Variants in ZNF804A observed in about 807,000 individuals in gnomAD.
The protein encoded by ZNF804A is zinc finger protein 804A.
ZNF804A carries 2 observed loss-of-function variants against 16.5 expected under a neutral mutation model. The ratio of observed to expected loss-of-function variants is 0.12; its 90% CI spans 0.05 to 0.38. The LOEUF (loss-of-function observed/expected upper bound fraction) is 0.38, where lower values mean the gene tolerates loss of function less well. ZNF804A is among the 10% of genes least tolerant of loss of function. ZNF804A has a pLI of 0.99. For missense variants in ZNF804A, 1,473 were observed against 1,390.7 expected (o/e 1.06, Z -0.94); for synonymous variants, 534 against 489.6 (o/e 1.09, Z -1.20).
chr2:184,749,892 A>G (rs1421701400), intron 1 of ZNF804A, among the ~76,000 whole-genome samples: 1 of 151,310 alleles, frequency 6.6e-6, no homozygotes, highest in Non-Finnish European at 1.5e-5. Flanking sequence ...AACTATTACA[A>G]AAGATTTAAG....
chr2:184,762,472 A>T (rs1371159602), intron 1 of ZNF804A, among the ~76,000 whole-genome samples: 1 of 151,890 alleles, frequency 6.6e-6, no homozygotes, highest in Admixed American at 6.6e-5. Flanking sequence ...CTAAAATCTA[A>T]AGTTTATAAA....
chr2:184,878,489 G>T (rs1684749766), intron 2 of ZNF804A, among the ~76,000 whole-genome samples: 1 of 151,972 alleles, frequency 6.6e-6, no homozygotes, highest in Admixed American at 6.6e-5. Context: ...TAAGGATTTT[G>T]GTTGTCAAAA....
At chr2:184,831,584 A>G (rs955348525) in intron 1 of ZNF804A, among the ~76,000 whole-genome samples, 1 of 152,090 alleles carries the variant, frequency 6.6e-6, no homozygotes, top group Non-Finnish European at 1.5e-5. Flanking sequence ...GCCCCAGCCC[A>G]TGTTAATGAA....
In ZNF804A at chr2:184,793,002, T is replaced by C. The variant is rs1176894400; in HGVS notation, c.112-73367T>C. Among the ~76,000 whole-genome samples, 3 of 152,184 alleles carry C rather than the reference T, an allele frequency of 2.0e-5. No individual in the cohort carries two copies. In the East Asian group the frequency reaches 5.8e-4, roughly 29 times the overall value. Reference sequence around the variant, plus strand: ...ACATATGTGCTTGTTGTTTATCCCATGTATAAGTGAGAACATGTAGTATTT... The same window carrying C: ...ACATATGTGCTTGTTGTTTATCCCACGTATAAGTGAGAACATGTAGTATTT... On this transcript the variant is annotated intron_variant, in intron 1 of 3. Coordinates refer to ENST00000302277, the MANE Select transcript of ZNF804A (RefSeq NM_194250.2).
At chr2:184,769,102 T>C (rs868239613) in intron 1 of ZNF804A, among the ~76,000 whole-genome samples, 2 of 152,230 alleles carry the variant, frequency 1.3e-5, no homozygotes, top group Middle Eastern at 3.4e-3. Context: ...AGGAATATTG[T>C]CTTCGATCAC....
At chr2:184,900,377 C>T (rs1026619697) in intron 2 of ZNF804A, among the ~76,000 whole-genome samples, 3 of 152,038 alleles carry the variant, frequency 2.0e-5, no homozygotes, top group African/African-American at 4.8e-5. Context: ...TTTAAAACTA[C>T]GCGAAGAAGA....
chr2:184,680,044 A>C (rs530331485), intron 1 of ZNF804A, among the ~76,000 whole-genome samples: 1 of 152,220 alleles, frequency 6.6e-6, no homozygotes, highest in Non-Finnish European at 1.5e-5. Context: ...TCTGAAGCCC[A>C]TAAAAGCTCC....
chr2:184,859,913 AC>A (rs987330833), intron 1 of ZNF804A, among the ~76,000 whole-genome samples: 91 of 152,288 alleles, frequency 6.0e-4, no homozygotes, highest in African/African-American at 2.1e-3. Context: ...CTGCCTTGGC[AC>A]CGGGGTGGGC....
chr2:184,930,019 A>G (rs963305476), intron 2 of ZNF804A, among the ~76,000 whole-genome samples: 5 of 150,244 alleles, frequency 3.3e-5, no homozygotes, highest in Non-Finnish European at 7.4e-5. Context: ...GCATAAATAC[A>G]CAACACTTGC....
intron 1 of ZNF804A, among the ~76,000 whole-genome samples, chr2:184,742,787 T>C (rs1320317456): frequency 6.6e-6 from 1 of 151,718 alleles, no homozygotes; most frequent in African/African-American, 2.4e-5. Context: ...TGTGTGTATG[T>C]ATATAACTAT....
intron 2 of ZNF804A, among the ~76,000 whole-genome samples, chr2:184,897,325 C>A (rs1372297448): frequency 6.6e-6 from 1 of 151,878 alleles, no homozygotes; most frequent in African/African-American, 2.4e-5. Flanking sequence ...GTGTTTTTTT[C>A]CCCTTTCCAT....
intron 1 of ZNF804A, among the ~76,000 whole-genome samples, chr2:184,813,852 A>T (rs1460399936): frequency 1.3e-5 from 2 of 151,690 alleles, no homozygotes; most frequent in African/African-American, 2.4e-5. Context: ...CTTTCTTTAG[A>T]CCTCTGCTAT....
At chr2:184,826,902 T>C (rs1695176834) in intron 1 of ZNF804A, among the ~76,000 whole-genome samples, 3 of 152,210 alleles carry the variant, frequency 2.0e-5, no homozygotes, top group African/African-American at 7.2e-5. Context: ...TCAACATTTA[T>C]GGAGACCATT....
intron 1 of ZNF804A, among the ~76,000 whole-genome samples, chr2:184,698,106 A>G (rs1261114602): frequency 3.3e-5 from 5 of 152,074 alleles, no homozygotes; most frequent in Admixed American, 6.6e-5. Context: ...AGGTTTTTCC[A>G]GTAAAATTCA....
At chr2:184,736,137 G>A (rs1399994576) in intron 1 of ZNF804A, among the ~76,000 whole-genome samples, 1 of 152,064 alleles carries the variant, frequency 6.6e-6, no homozygotes, top group Admixed American at 6.6e-5. Flanking sequence ...CATGCCTCTT[G>A]ATGTCTAGGC....
intron 1 of ZNF804A, among the ~76,000 whole-genome samples, chr2:184,846,814 A>G (rs1049106647): frequency 6.6e-6 from 1 of 152,076 alleles, no homozygotes; most frequent in Admixed American, 6.6e-5. Context: ...TACTTCTTCC[A>G]TTAGAGTCCA....
chr2:184,652,280 C>T (rs910242538), intron 1 of ZNF804A, among the ~76,000 whole-genome samples: 4 of 151,664 alleles, frequency 2.6e-5, no homozygotes, highest in Non-Finnish European at 5.9e-5. Context: ...AAACCAGGAA[C>T]CACTAGAGGG....
At chr2:184,814,023 G>GTTTTTTT (rs1231774388) in intron 1 of ZNF804A, among the ~76,000 whole-genome samples, 1 of 109,280 alleles carries the variant, frequency 9.2e-6, no homozygotes. Flanking sequence ...TTTTTTTTTG[G>GTTTTTTT]CTTGTCTACT....
At chr2:184,830,701 C>T (rs1439449173) in intron 1 of ZNF804A, among the ~76,000 whole-genome samples, 1 of 152,028 alleles carries the variant, frequency 6.6e-6, no homozygotes, top group East Asian at 1.9e-4. Context: ...AAGTGAGATA[C>T]CTTGCAGTAT....
Sources: gnomAD v4.1 joint callset for allele counts (sites outside exome capture counted in the v4.1 genomes callset) on GRCh38, gnomAD v4.1.1 for gene constraint, MANE v1.5 for transcripts, NCBI Gene and HGNC (gene_info 2026-07-23, HGNC 2026-07-21) for gene names.